Variants in SLC38A4 observed in about 807,000 individuals in gnomAD.
The protein encoded by SLC38A4 is solute carrier family 38 member 4.
In SLC38A4, 20 loss-of-function variants were observed where a neutral mutation model predicts 63.1. The observed-to-expected ratio is 0.32, with a 90% CI of 0.22 to 0.46. SLC38A4 has a LOEUF of 0.46. Ranked by LOEUF, SLC38A4 falls within the 20% of genes least tolerant of loss-of-function variation. SLC38A4 has a pLI of 1.00. For synonymous variants in SLC38A4, 230 were observed against 225.5 expected, an observed-to-expected ratio of 1.02 and a Z score of -0.18; for missense variants, 526 against 663.6, an observed-to-expected ratio of 0.79 and a Z score of 2.28.
At position 46,785,166 on chromosome 12, in the gene SLC38A4, A is replaced by G. The variant is rs1378602073; in HGVS notation, c.338T>C (p.Leu113Pro). Residue 113 changes from leucine (L) to proline (P), a missense_variant, in exon 6 of 17, where the codon CTT becomes CCT. Leu to Pro is a moderately conservative substitution (Grantham distance 98). Coordinates refer to ENST00000266579, the MANE Select transcript of SLC38A4 (RefSeq NM_018018.5). ...ATACAGTGATAATATTGCCACAGCA[A>G]GCAGCATGATTCTGCAAAGGGAAGA... is the stretch of plus-strand genomic sequence containing the variant. ...TGIILFIIMLLAVAILSLYSV... is the reference protein window; with the variant it reads ...TGIILFIIMLPAVAILSLYSV... 6.2e-7 allele frequency: 1 copy of G among 1,612,496 alleles called. No individual in the cohort carries two copies. Among genetic ancestry groups the G allele is most frequent in the Non-Finnish European group, 8.5e-7 (1 of 1,179,012 alleles).
In SLC38A4 at chr12:46,775,119, A is replaced by T; in HGVS notation, c.1229T>A (p.Ile410Asn). Residue 410 changes from isoleucine (I) to asparagine (N), a missense_variant, in exon 14 of 17, where the codon ATC becomes AAC. Coordinates refer to ENST00000266579, the MANE Select transcript of SLC38A4 (RefSeq NM_018018.5). ...HAYSKVYTLD[I>N]PLLMVRLAVL... ...TGCCAGGCGAACCATGAGAAGAGGG[A>T]TGTCTAATGTATACACTTTGCTGTA... is the stretch of plus-strand genomic sequence containing the variant. 1 of 1,612,880 alleles carries T rather than the reference A, an allele frequency of 6.2e-7. No individual in the cohort carries two copies. Among genetic ancestry groups the T allele is most frequent in the Non-Finnish European group, 8.5e-7 (1 of 1,179,186 alleles).
At chr12:46,769,882 A>C (rs575835278) in intron 14 of SLC38A4, among the ~76,000 whole-genome samples, 1 of 152,242 alleles carries the variant, frequency 6.6e-6, no homozygotes, top group South Asian at 2.1e-4. Flanking sequence ...TGCAAGTACA[A>C]TCTATGGTGT....
intron 2 of SLC38A4, among the ~76,000 whole-genome samples, chr12:46,802,958 G>T (rs995467588): frequency 2.6e-5 from 4 of 151,992 alleles, no homozygotes; most frequent in Non-Finnish European, 5.9e-5. Context: ...AAAATCTAAA[G>T]CTATGCTTAT....
chr12:46,777,376 A>G (rs539101366), intron 12 of SLC38A4, among the ~76,000 whole-genome samples: 2 of 152,122 alleles, frequency 1.3e-5, no homozygotes, highest in South Asian at 2.1e-4. Flanking sequence ...AGAACCTAGT[A>G]GAGTCAGCAA....
At chr12:46,776,807 G>A (rs1232077448) in intron 13 of SLC38A4, 97 bp downstream of exon 13, 2 of 977,788 alleles carry the variant, frequency 2.0e-6, no homozygotes, top group Non-Finnish European at 3.3e-6. Flanking sequence ...TATAGAGCAT[G>A]CTTATAGAAG....
At chr12:46,814,794 G>A (rs1293705415) in intron 1 of SLC38A4, among the ~76,000 whole-genome samples, 35 of 151,916 alleles carry the variant, frequency 2.3e-4, no homozygotes, top group Admixed American at 2.3e-3. Flanking sequence ...TCTTGGACAA[G>A]ATACATGGGA....
rs375710837 is a variant in SLC38A4 at position 46,768,479 on chromosome 12, A to T, written c.1445-72T>A. On this transcript the variant is annotated intron_variant, in intron 15 of 16. Coordinates refer to ENST00000266579, the MANE Select transcript of SLC38A4 (RefSeq NM_018018.5). ...CCTAGCAAAGGAGATGCCAGCACAC[A>T]CTTTAAATAAACCAAATATAAAGCT... is the stretch of plus-strand genomic sequence containing the variant. 6 of 1,050,734 alleles carry T rather than the reference A, an allele frequency of 5.7e-6. No homozygotes were observed. The East Asian group carries it at 1.3e-4, about 22-fold the overall frequency. 65.1% of individuals were successfully genotyped at this position (1,050,734 alleles called of 1,614,324 possible).
intron 1 of SLC38A4, among the ~76,000 whole-genome samples, chr12:46,831,948 C>CAATACAACCAACTCGAAAT (rs1939737510): frequency 3.9e-5 from 6 of 152,038 alleles, no homozygotes; most frequent in African/African-American, 1.2e-4. Flanking sequence ...GCGGAGGTGC[C>CAATACAACCAACTCGAAAT]CCATACCCCA....
Position 46,766,231 on chromosome 12 carries a change from A to G in SLC38A4, c.*470T>C. On this transcript the variant is annotated 3_prime_UTR_variant, in exon 17 of 17. Coordinates refer to ENST00000266579, the MANE Select transcript of SLC38A4 (RefSeq NM_018018.5). ...ACATGCCTTTTGCCTCTGTTAGTAA[A>G]CAGACCAGAGACTTTGGTGCAAGAC... 2.7e-6 allele frequency: 1 copy of G among 376,240 alleles called. No individual in the cohort carries two copies. The highest frequency in any genetic ancestry group is 5.3e-6 in the Non-Finnish European group (1 of 189,674). 23.3% of individuals were successfully genotyped at this position (376,240 alleles called of 1,614,324 possible).
At chr12:46,810,444 G>T (rs983984828) in intron 1 of SLC38A4, among the ~76,000 whole-genome samples, 1 of 151,698 alleles carries the variant, frequency 6.6e-6, no homozygotes, top group Non-Finnish European at 1.5e-5. Flanking sequence ...TAATGTAGGT[G>T]ACAGGTTGAT....
In SLC38A4 at chr12:46,779,832, G is replaced by A. The variant is rs201871894; in HGVS notation, c.606C>T (p.Ile202=). ...GAATAATTCCAACAGACACAAATAT[G>A]ATGAGGTAGTTGCCATTGAGGTACC... ...GEWYLNGNYL[I]IFVSVGIILP... is the part of the protein sequence containing the mutation. The change falls in exon 9 of 17, where the codon ATC becomes ATT. Residue 202 remains isoleucine, a synonymous_variant. Transcript: ENST00000266579. 1.2e-6 allele frequency: 2 copies of A among 1,612,298 alleles called. No homozygotes were observed. The highest frequency in any genetic ancestry group is 2.2e-5 in the South Asian group (2 of 90,964).
chr12:46,795,613 CTT>C (rs1259137418), intron 2 of SLC38A4, among the ~76,000 whole-genome samples: 2 of 152,036 alleles, frequency 1.3e-5, no homozygotes, highest in African/African-American at 4.8e-5. Flanking sequence ...CCTTGAATAA[CTT>C]TTTTCACACA....
intron 6 of SLC38A4, 53 bp from the exon 7 acceptor site, chr12:46,784,687 A>G: frequency 7.1e-7 from 1 of 1,402,834 alleles, no homozygotes; most frequent in African/African-American, 1.4e-5. Context: ...AATGACTAAA[A>G]TATTTTTGTC....
intron 16 of SLC38A4, among the ~76,000 whole-genome samples, chr12:46,767,229 AGT>A (rs1938319276): frequency 1.1e-5 from 1 of 87,090 alleles, no homozygotes; most frequent in African/African-American, 3.2e-5. Flanking sequence ...TGCAACAAAA[AGT>A]GTATATATGT....
chr12:46,821,445 C>A (rs1939548652), intron 1 of SLC38A4, among the ~76,000 whole-genome samples: 1 of 151,918 alleles, frequency 6.6e-6, no homozygotes, highest in Admixed American at 6.6e-5. Flanking sequence ...GTTCTTGGGA[C>A]CCTTGTTGAA....
intron 2 of SLC38A4, among the ~76,000 whole-genome samples, chr12:46,795,150 T>C (rs1014671945): frequency 1.3e-5 from 2 of 152,088 alleles, no homozygotes; most frequent in Non-Finnish European, 1.5e-5. Flanking sequence ...TAAAGCTTTT[T>C]TGACTTGGTT....
upstream of SLC38A4, among the ~76,000 whole-genome samples, chr12:46,828,669 T>C (rs890610432): frequency 1.3e-5 from 2 of 152,236 alleles, no homozygotes; most frequent in African/African-American, 4.8e-5. Flanking sequence ...TTTCCTTATC[T>C]ATTCTTTCCT....
At chr12:46,801,419 G>A (rs946537964) in intron 2 of SLC38A4, among the ~76,000 whole-genome samples, 2 of 152,034 alleles carry the variant, frequency 1.3e-5, no homozygotes, top group African/African-American at 4.8e-5. Context: ...AGAAGCAAAA[G>A]TTCTGACCTT....
chr12:46,821,152 G>A (rs1321724597), intron 1 of SLC38A4, among the ~76,000 whole-genome samples: 2 of 152,024 alleles, frequency 1.3e-5, no homozygotes, highest in Admixed American at 6.6e-5. Context: ...CTGTGCAGAA[G>A]CCTTTTAGTT....
Sources: allele counts gnomAD v4.1 joint callset (sites outside exome capture counted in the v4.1 genomes callset), GRCh38; gene constraint gnomAD v4.1.1; transcripts MANE v1.5; gene names NCBI Gene and HGNC (gene_info 2026-07-23, HGNC 2026-07-21).